The following WDR49 variants were observed in gnomAD, a reference collection of about 807,000 sequenced individuals.
WDR49 encodes WD repeat domain 49, also known as cilia- and flagella-associated protein 337.
Under a neutral mutation model 119.5 loss-of-function variants are expected in WDR49, and 107 were observed. The observed-to-expected ratio is 0.90, with a 90% confidence interval of 0.77 to 1.05. The LOEUF is 1.05. Among genes scored for constraint, WDR49 ranks in the 50% least tolerant of loss-of-function variants. WDR49 has a pLI of 0.00. For missense variants in WDR49, 1,240 were observed against 1,220.5 expected (o/e 1.02, Z -0.24); for synonymous variants, 425 against 418.8 (o/e 1.01, Z -0.18).
Position 167,500,319 on chromosome 3 carries a change from A to G in WDR49, c.2885-20T>C. On this transcript the variant is annotated intron_variant, in intron 17 of 18. Transcript: ENST00000682715. ...ATGTACCTTCACAACAGCAGGTTTT[A>G]GAGGAAGACAGGGAGAAAAAGGGTA... The G allele has an allele frequency of 6.2e-7, 1 of 1,604,518 alleles. No homozygotes were observed. The highest frequency in any genetic ancestry group is 8.5e-7 in the Non-Finnish European group (1 of 1,177,324).
intron 9 of WDR49, among the ~76,000 whole-genome samples, chr3:167,557,944 A>G (rs1713041139): frequency 6.6e-6 from 1 of 152,082 alleles, no homozygotes; most frequent in Non-Finnish European, 1.5e-5. Context: ...CAGCATGTAT[A>G]GTAGGCTGCC....
rs114461009 is a variant in WDR49 at position 167,646,969 on chromosome 3, G to C, written c.165+6292C>G. Among the ~76,000 whole-genome samples, 386 of 152,292 alleles carry C rather than the reference G, an allele frequency of 2.5e-3. 1 individual carries two copies. The highest frequency in any genetic ancestry group is 9.0e-3 in the African/African-American group (372 of 41,554). On this transcript the variant is annotated intron_variant, in intron 2 of 18. Transcript: ENST00000682715. ...TCAGAAATCACTAAGGGACAGTTTA[G>C]AGGATTCCTATTTCTAGCAATAGAG...
At chr3:167,594,216 A>T (rs568997251) in intron 7 of WDR49, among the ~76,000 whole-genome samples, 11 of 152,348 alleles carry the variant, frequency 7.2e-5, no homozygotes, top group African/African-American at 2.6e-4. Context: ...TGAAGGGCTC[A>T]TAAGAAGACA....
At chr3:167,503,949 G>A (rs1577202735) in intron 17 of WDR49, among the ~76,000 whole-genome samples, 2 of 152,236 alleles carry the variant, frequency 1.3e-5, no homozygotes, top group East Asian at 3.9e-4. Flanking sequence ...TCCTGTTTTT[G>A]CCTAATTAGC....
chr3:167,643,882 A>G (rs1717995788), intron 2 of WDR49, among the ~76,000 whole-genome samples: 1 of 152,070 alleles, frequency 6.6e-6, no homozygotes, highest in Admixed American at 6.6e-5. Flanking sequence ...AATGATGGCC[A>G]AGATTATAGA....
At chr3:167,482,274 A>T (rs1750743367) in intron 18 of WDR49, among the ~76,000 whole-genome samples, 1 of 152,218 alleles carries the variant, frequency 6.6e-6, no homozygotes. Context: ...AATATTACAT[A>T]CATTCAAGTT....
chr3:167,547,241 T>G (rs1302087650), intron 10 of WDR49, among the ~76,000 whole-genome samples: 1 of 151,838 alleles, frequency 6.6e-6, no homozygotes, highest in Non-Finnish European at 1.5e-5. Context: ...TTTGAGTAAC[T>G]TCAAATCTTT....
intron 3 of WDR49, among the ~76,000 whole-genome samples, chr3:167,623,338 T>A (rs574183800): frequency 1.3e-5 from 2 of 152,170 alleles, no homozygotes; most frequent in East Asian, 3.9e-4. Flanking sequence ...AGTTTACACA[T>A]CATAGCAAAG....
chr3:167,526,740 G>A (rs973012352), intron 15 of WDR49, among the ~76,000 whole-genome samples: 2 of 152,130 alleles, frequency 1.3e-5, no homozygotes, highest in Non-Finnish European at 2.9e-5. Flanking sequence ...TCCTAAAGGG[G>A]TGCTTAGAAT....
chr3:167,608,895 C>G (rs1716195076), intron 5 of WDR49, among the ~76,000 whole-genome samples: 1 of 152,174 alleles, frequency 6.6e-6, no homozygotes, highest in Non-Finnish European at 1.5e-5. Flanking sequence ...ACTTTCAACT[C>G]TTTCATTCTC....
intron 2 of WDR49, among the ~76,000 whole-genome samples, chr3:167,633,088 CGTGTGTGTGTGTGTGT>C (rs3061397): frequency 1.4e-5 from 2 of 146,990 alleles, no homozygotes; most frequent in Non-Finnish European, 1.5e-5. Flanking sequence ...TAGCCAAACT[CGTGTGTGTGTGTGTGT>C]GTGTGTGTGT....
At chr3:167,657,484 T>G (rs1300096025), upstream of WDR49, among the ~76,000 whole-genome samples, 1 of 152,092 alleles carries the variant, frequency 6.6e-6, no homozygotes. Flanking sequence ...GACACATGTC[T>G]GAGCATAACA....
intron 15 of WDR49, among the ~76,000 whole-genome samples, chr3:167,523,119 C>T (rs567228526): frequency 3.3e-5 from 5 of 152,156 alleles, no homozygotes; most frequent in African/African-American, 7.2e-5. Context: ...TGAGGGGAAC[C>T]GTAGGCATCC....
At chr3:167,535,615 T>G (rs1752993865) in intron 11 of WDR49, among the ~76,000 whole-genome samples, 1 of 152,066 alleles carries the variant, frequency 6.6e-6, no homozygotes, top group Admixed American at 6.6e-5. Flanking sequence ...GGTGAAGATA[T>G]GGGGCAGAGG....
chr3:167,575,933 A>G lies in WDR49; in HGVS notation c.1494T>C (p.Asn498=). 6.2e-7 allele frequency: 1 copy of G among 1,614,168 alleles called. No homozygotes were observed. Among genetic ancestry groups the G allele is most frequent in the Admixed American group, 1.7e-5 (1 of 60,024 alleles). The part of the protein sequence containing the change: ...HEKAVTCVLY[N]SILKQVISSD... ...GCATCATTACCTGCTTCAAGATAGA[A>G]TTGTAAAGAACACAAGTGACTGCTT... Residue 498 remains asparagine (N), a synonymous_variant, in exon 8 of 19, where the codon AAT becomes AAC. Transcript: ENST00000682715.
intron 17 of WDR49, among the ~76,000 whole-genome samples, chr3:167,500,717 T>C (rs556668795): frequency 4.4e-4 from 67 of 152,322 alleles, no homozygotes; most frequent in South Asian, 3.3e-3. Flanking sequence ...TTTTAAATAA[T>C]GTCATCAAGT....
chr3:167,625,327 A>G (rs966931686), intron 3 of WDR49, among the ~76,000 whole-genome samples: 1 of 152,038 alleles, frequency 6.6e-6, no homozygotes, highest in African/African-American at 2.4e-5. Flanking sequence ...AATTTTTGGT[A>G]TGGGATAACA....
intron 10 of WDR49, among the ~76,000 whole-genome samples, chr3:167,537,475 C>T (rs1463967858): frequency 2.0e-5 from 3 of 152,042 alleles, no homozygotes; most frequent in Admixed American, 1.3e-4. Context: ...TCAAGACTTA[C>T]CTGATCACAG....
chr3:167,620,696 T>TCCTTATTA, intron 4 of WDR49, 93 bp from the exon 5 acceptor site: 1 of 1,187,688 alleles, frequency 8.4e-7, no homozygotes, highest in Non-Finnish European at 1.1e-6. Flanking sequence ...GAATAGCTAT[T>TCCTTATTA]AACTTAATAA....
Sources: allele counts gnomAD v4.1 joint callset (sites outside exome capture counted in the v4.1 genomes callset), GRCh38; gene constraint gnomAD v4.1.1; transcripts MANE v1.5; gene names NCBI Gene and HGNC (gene_info 2026-07-23, HGNC 2026-07-21).